DPP8: variants seen among roughly 807,000 people sequenced by gnomAD.
The protein encoded by DPP8 is DPP VIII.
A neutral mutation model predicts 107.5 loss-of-function variants in DPP8; 31 were observed. That is an observed-to-expected ratio of 0.29 (90% CI 0.22 to 0.39). DPP8 has a LOEUF of 0.39. Among genes scored for constraint, DPP8 ranks in the 10% least tolerant of loss-of-function variants. DPP8 has a pLI of 1.00. For missense variants in DPP8, 842 were observed against 1,076.1 expected (o/e 0.78, Z 3.04); for synonymous variants, 381 against 356.6 (o/e 1.07, Z -0.77).
intron 11 of DPP8, among the ~76,000 whole-genome samples, chr15:65,476,513 T>A (rs988311196): frequency 6.6e-6 from 1 of 152,076 alleles, no homozygotes; most frequent in African/African-American, 2.4e-5. Flanking sequence ...ATATAACAAC[T>A]ATCATCCGAA....
At chr15:65,471,056 T>C (rs1388930116) in intron 12 of DPP8, among the ~76,000 whole-genome samples, 3 of 152,150 alleles carry the variant, frequency 2.0e-5, no homozygotes, top group Non-Finnish European at 4.4e-5. Context: ...AAGGATCAGA[T>C]GTATGCAATT....
intron 1 of DPP8, among the ~76,000 whole-genome samples, chr15:65,514,417 C>G (rs1413749912): frequency 6.6e-6 from 1 of 152,142 alleles, no homozygotes; most frequent in African/African-American, 2.4e-5. Context: ...TGGTTATATA[C>G]TATCATATGT....
chr15:65,477,950 A>G (rs1023605287), intron 11 of DPP8, among the ~76,000 whole-genome samples: 4 of 152,212 alleles, frequency 2.6e-5, no homozygotes, highest in Non-Finnish European at 5.9e-5. Context: ...ATATTATTAA[A>G]GTTGAGAACT....
At chr15:65,501,767 C>T (rs892501684) in intron 3 of DPP8, among the ~76,000 whole-genome samples, 1 of 152,102 alleles carries the variant, frequency 6.6e-6, no homozygotes, top group Non-Finnish European at 1.5e-5. Flanking sequence ...TCTGTTCTAC[C>T]CCTCTTCCCT....
At chr15:65,475,275 C>A in intron 11 of DPP8, 2 of 627,980 alleles carry the variant, frequency 3.2e-6, no homozygotes, top group Non-Finnish European at 5.7e-6. Flanking sequence ...GCTAGAGAGA[C>A]CCAAATACCT....
intron 4 of DPP8, among the ~76,000 whole-genome samples, chr15:65,499,037 G>A (rs1718268797): frequency 6.6e-6 from 1 of 150,562 alleles, no homozygotes; most frequent in South Asian, 2.1e-4. Context: ...CAGCCTGGAT[G>A]ACAGCAAGAC....
At chr15:65,512,625 T>C (rs112523953) in intron 1 of DPP8, 61 bp from the exon 2 acceptor site, 1 of 1,558,396 alleles carries the variant, frequency 6.4e-7, no homozygotes, top group Non-Finnish European at 8.7e-7. Context: ...AGAATGATTC[T>C]CTGAGAGGGT....
chr15:65,500,762 T>A lies in DPP8; in HGVS notation c.390A>T (p.Gly130=). 1 of 1,613,996 alleles carries A rather than the reference T, an allele frequency of 6.2e-7. No homozygotes were observed. Among genetic ancestry groups the A allele is most frequent in the East Asian group, 2.2e-5 (1 of 44,876 alleles). Residue 130 remains glycine, a synonymous_variant, in exon 4 of 20, where the codon GGA becomes GGT. Coordinates refer to ENST00000300141, the MANE Select transcript of DPP8 (RefSeq NM_130434.5). The part of the protein sequence containing the change: ...LDLFQATLDY[G]MYSREEELLR... Reference sequence around the variant, plus strand: ...ATAGTTCTTCTTCTCGAGAATACATTCCATAGTCCAGTGTTGCCTAATGTG... The same window carrying A: ...ATAGTTCTTCTTCTCGAGAATACATACCATAGTCCAGTGTTGCCTAATGTG...
At chr15:65,453,758 G>T (rs2064170001) in intron 17 of DPP8, among the ~76,000 whole-genome samples, 1 of 151,320 alleles carries the variant, frequency 6.6e-6, no homozygotes, top group African/African-American at 2.4e-5. Context: ...ACAAACTTGA[G>T]ATATATATAC....
chr15:65,509,187 T>C (rs2070444731), intron 2 of DPP8, among the ~76,000 whole-genome samples: 1 of 152,220 alleles, frequency 6.6e-6, no homozygotes, highest in Non-Finnish European at 1.5e-5. Context: ...CTTTGTAGAT[T>C]CCCAAGTTGC....
chr15:65,462,592 T>C (rs1048328734), intron 15 of DPP8, among the ~76,000 whole-genome samples: 11 of 152,040 alleles, frequency 7.2e-5, no homozygotes, highest in African/African-American at 2.7e-4. Context: ...CCAAAATATA[T>C]ATATTTTGGA....
At chr15:65,511,857 G>GT (rs1159394736) in intron 2 of DPP8, 2 of 236,250 alleles carry the variant, frequency 8.5e-6, no homozygotes, top group Non-Finnish European at 1.7e-5. Flanking sequence ...AAGTAAATCA[G>GT]TAGATTAACA....
intron 6 of DPP8, 118 bp downstream of exon 6, chr15:65,490,071 G>A: frequency 1.5e-6 from 1 of 646,090 alleles, no homozygotes; most frequent in Non-Finnish European, 2.7e-6. Context: ...CATCACTTTG[G>A]AATCTATTAT....
At chr15:65,456,143 C>A in intron 16 of DPP8, 82 bp downstream of exon 16, 1 of 1,486,282 alleles carries the variant, frequency 6.7e-7, no homozygotes. Context: ...CTTCCCCCAA[C>A]TCTCTTTCAA....
chr15:65,481,181 G>A (rs992925633), intron 9 of DPP8, among the ~76,000 whole-genome samples: 4 of 151,956 alleles, frequency 2.6e-5, no homozygotes, highest in African/African-American at 4.8e-5. Context: ...CTATTTATTT[G>A]TAATCATCCT....
chr15:65,472,558 C>A (rs2065983023), intron 12 of DPP8, among the ~76,000 whole-genome samples: 1 of 152,088 alleles, frequency 6.6e-6, no homozygotes, highest in African/African-American at 2.4e-5. Flanking sequence ...CCTTCATCTC[C>A]CAAAGGGCTG....
At chr15:65,471,715 TG>T (rs1406842988) in intron 12 of DPP8, among the ~76,000 whole-genome samples, 7 of 152,234 alleles carry the variant, frequency 4.6e-5, no homozygotes, top group African/African-American at 1.4e-4. Flanking sequence ...ATCTAATTCC[TG>T]GGCACAAGTG....
At chr15:65,461,684 C>T (rs2140436810) in intron 15 of DPP8, among the ~76,000 whole-genome samples, 1 of 151,570 alleles carries the variant, frequency 6.6e-6, no homozygotes, top group Middle Eastern at 3.4e-3. Flanking sequence ...CTCACTGCAA[C>T]CCTCCAGCAC....
intron 15 of DPP8, among the ~76,000 whole-genome samples, chr15:65,462,125 C>A (rs943643434): frequency 6.6e-6 from 1 of 151,912 alleles, no homozygotes; most frequent in South Asian, 2.1e-4. Flanking sequence ...TCTGCCACTG[C>A]GCCCGACTAA....
Sources: gnomAD v4.1 joint callset for allele counts (sites outside exome capture counted in the v4.1 genomes callset) on GRCh38, gnomAD v4.1.1 for gene constraint, MANE v1.5 for transcripts, NCBI Gene and HGNC (gene_info 2026-07-23, HGNC 2026-07-21) for gene names.